The following FAM81A variants were observed in gnomAD, a reference collection of about 807,000 sequenced individuals.
FAM81A encodes protein FAM81A.
FAM81A carries 19 observed loss-of-function variants against 46.7 expected under a neutral mutation model. That is an observed-to-expected ratio of 0.41 (90% CI 0.28 to 0.60). The LOEUF (loss-of-function observed/expected upper bound fraction) is 0.60, where lower values mean the gene tolerates loss of function less well. Among genes scored for constraint, FAM81A ranks in the 20% least tolerant of loss-of-function variants. FAM81A has a pLI of 0.34. For missense variants in FAM81A, 377 were observed against 453.5 expected (o/e 0.83, Z 1.53); for synonymous variants, 183 against 152.9 (o/e 1.20, Z -1.45).
intron 3 of FAM81A, among the ~76,000 whole-genome samples, chr15:59,491,567 G>GTA (rs1327268579): frequency 6.6e-6 from 1 of 152,172 alleles, no homozygotes; most frequent in Non-Finnish European, 1.5e-5. Context: ...AACTAAAAGA[G>GTA]TATAATTGGG....
At chr15:59,488,212 A>G (rs2081942262) in intron 3 of FAM81A, among the ~76,000 whole-genome samples, 1 of 152,222 alleles carries the variant, frequency 6.6e-6, no homozygotes, top group African/African-American at 2.4e-5. Context: ...ATTGGATAAA[A>G]TTCAACATCC....
intron 7 of FAM81A, among the ~76,000 whole-genome samples, chr15:59,515,259 AG>A (rs2082254741): frequency 6.6e-6 from 1 of 152,192 alleles, no homozygotes. Context: ...AAGAAAAAAA[AG>A]TCTTGCATAT....
At chr15:59,499,860 T>G (rs2082073081) in intron 4 of FAM81A, among the ~76,000 whole-genome samples, 1 of 101,530 alleles carries the variant, frequency 9.8e-6, no homozygotes, top group African/African-American at 4.4e-5. Flanking sequence ...TTCATTTTCA[T>G]TTTTTTTTTT....
upstream of FAM81A, among the ~76,000 whole-genome samples, chr15:59,433,785 G>A (rs955706326): frequency 3.9e-5 from 6 of 152,142 alleles, no homozygotes; most frequent in African/African-American, 9.7e-5. Context: ...ACAGAATAAC[G>A]TCCCAAGGTC....
At chr15:59,462,729 A>T (rs1380238794) in intron 3 of FAM81A, among the ~76,000 whole-genome samples, 1 of 152,146 alleles carries the variant, frequency 6.6e-6, no homozygotes, top group Non-Finnish European at 1.5e-5. Context: ...GAATTTGCTT[A>T]TTCTAGCTAC....
At chr15:59,497,903 A>G (rs2141778816) in intron 4 of FAM81A, among the ~76,000 whole-genome samples, 1 of 152,312 alleles carries the variant, frequency 6.6e-6, no homozygotes, top group Non-Finnish European at 1.5e-5. Flanking sequence ...TGTTGCCCAC[A>G]CTGGAGTGCA....
rs572014902 is a variant in FAM81A, at chr15:59,404,374, A to G, written c.-78+2016A>G. 3.3e-5 allele frequency among the ~76,000 whole-genome samples: 5 copies of G among 152,272 alleles called. No individual in the cohort carries two copies. In the South Asian group the frequency reaches 1.0e-3, roughly 32 times the overall value. ...CATAGCCCATATTTCTTCCCACCTT[A>G]GACAAGGCCATGAGACTTTCTCAGG... On this transcript the variant is annotated intron_variant, in intron 2 of 4. Transcript: ENST00000558348.
chr15:59,411,995 C>CAAA (rs397736383), intron 2 of FAM81A, among the ~76,000 whole-genome samples: 1 of 121,216 alleles, frequency 8.2e-6, no homozygotes, highest in Admixed American at 8.6e-5. Context: ...AAGAAACAAA[C>CAAA]AAAAAAAAAA....
At chr15:59,473,768 G>A (rs2081729248) in intron 3 of FAM81A, among the ~76,000 whole-genome samples, 1 of 152,170 alleles carries the variant, frequency 6.6e-6, no homozygotes, top group African/African-American at 2.4e-5. Context: ...TGTTTTAGCT[G>A]CAACTGTCGG....
chr15:59,401,406 C>T lies in FAM81A; in HGVS notation c.-160-870C>T, dbSNP rs2081069751. 3.5e-5 allele frequency: 28 copies of T among 795,480 alleles called. No individual in the cohort carries two copies. The South Asian group carries it at 3.7e-4, about 11-fold the overall frequency. The allele number at this position is 795,480 out of a possible 1,614,324, so 49.3% of individuals were successfully genotyped here. A position where few individuals can be genotyped will look rare whatever the true frequency, so the allele number is the denominator to read the frequency against. On this transcript the variant is annotated intron_variant, in intron 1 of 4. Transcript: ENST00000558348. ...AGTGGGGACGACGGGTTCTTCTTTACACCAAATATTGGTAGGCAAAAGGTG... is the reference window on the plus strand; with the variant it reads ...AGTGGGGACGACGGGTTCTTCTTTATACCAAATATTGGTAGGCAAAAGGTG...
chr15:59,462,181 C>T (rs540484800), intron 3 of FAM81A, among the ~76,000 whole-genome samples: 9 of 142,914 alleles, frequency 6.3e-5, no homozygotes, highest in South Asian at 4.4e-4. Context: ...CCAGCCTGGG[C>T]GACAGAGCGA....
At position 59,521,248 on chromosome 15, in the gene FAM81A, T is replaced by C. The variant is rs2082324791; in HGVS notation, c.983-6T>C. The C allele has an allele frequency of 5.6e-6, 9 of 1,608,882 alleles. No homozygotes were observed. The East Asian group carries it at 2.0e-4, about 36-fold the overall frequency. ...TAACTGTTGTGAAATTTACCTCTCCTTCAAGGGTTTACAGCCGTCTATGAA... is the reference window on the plus strand; with the variant it reads ...TAACTGTTGTGAAATTTACCTCTCCCTCAAGGGTTTACAGCCGTCTATGAA... On this transcript the variant is annotated splice_region_variant and splice_polypyrimidine_tract_variant and intron_variant, in intron 8 of 8. Coordinates refer to ENST00000288228, the MANE Select transcript of FAM81A (RefSeq NM_152450.3).
chr15:59,474,605 A>C (rs1253156324), intron 3 of FAM81A, among the ~76,000 whole-genome samples: 1 of 152,232 alleles, frequency 6.6e-6, no homozygotes, highest in African/African-American at 2.4e-5. Flanking sequence ...TAAGTTCAAC[A>C]TAATTTTTGG....
At chr15:59,519,144 C>A (rs2082299549) in intron 8 of FAM81A, among the ~76,000 whole-genome samples, 1 of 151,940 alleles carries the variant, frequency 6.6e-6, no homozygotes, top group Admixed American at 6.6e-5. Flanking sequence ...TCTTCCGCCC[C>A]ACCTTTGGCA....
intron 3 of FAM81A, 57 bp from the exon 4 acceptor site, chr15:59,492,214 T>C (rs1374378336): frequency 1.5e-6 from 2 of 1,330,562 alleles, no homozygotes; most frequent in East Asian, 4.8e-5. Context: ...ATAAAATGCT[T>C]TTGTGGAAGC....
chr15:59,488,935 C>A (rs1419417304), intron 3 of FAM81A, among the ~76,000 whole-genome samples: 1 of 151,428 alleles, frequency 6.6e-6, no homozygotes, highest in African/African-American at 2.4e-5. Context: ...TGCTTTCCAG[C>A]CTGGGTTCAG....
intron 3 of FAM81A, among the ~76,000 whole-genome samples, chr15:59,463,819 T>G (rs2081581412): frequency 6.6e-6 from 1 of 152,164 alleles, no homozygotes; most frequent in Non-Finnish European, 1.5e-5. Flanking sequence ...GTTTTTTTTG[T>G]TTTTGTTATT....
Position 59,415,398 on chromosome 15 carries a change from G to A in FAM81A, c.-78+13040G>A, listed in dbSNP as rs190648039. Among the ~76,000 whole-genome samples, 7 of 152,256 alleles carry A rather than the reference G, an allele frequency of 4.6e-5. No individual in the cohort carries two copies. In the East Asian group the frequency reaches 9.7e-4, roughly 21 times the overall value. On this transcript the variant is annotated intron_variant, in intron 2 of 4. Transcript: ENST00000558348. ...CTCCTAGAATGCTGGGATTACAGGCGTGAGCCACCGCACCCAGCAAAAGGA... is the reference window on the plus strand; with the variant it reads ...CTCCTAGAATGCTGGGATTACAGGCATGAGCCACCGCACCCAGCAAAAGGA...
intron 1 of FAM81A, among the ~76,000 whole-genome samples, chr15:59,448,478 T>C (rs1446845580): frequency 3.3e-5 from 5 of 152,168 alleles, no homozygotes; most frequent in African/African-American, 7.2e-5. Flanking sequence ...CAGGCCCTGG[T>C]TGTAGTTCTA....
Sources: allele counts gnomAD v4.1 joint callset (sites outside exome capture counted in the v4.1 genomes callset), GRCh38; gene constraint gnomAD v4.1.1; transcripts MANE v1.5; gene names NCBI Gene and HGNC (gene_info 2026-07-23, HGNC 2026-07-21).